Variants in GLP2R observed in about 807,000 individuals in gnomAD.
The protein encoded by GLP2R is glucagon-like peptide 2 receptor.
GLP2R carries 59 observed loss-of-function variants against 68.2 expected under a neutral mutation model. The observed-to-expected ratio is 0.87, with a 90% CI of 0.70 to 1.07. The LOEUF (loss-of-function observed/expected upper bound fraction) is 1.07, where lower values mean the gene tolerates loss of function less well. GLP2R is among the 50% of genes least tolerant of loss of function. The pLI is 0.00. For synonymous variants in GLP2R, 270 were observed against 265.4 expected (o/e 1.02, Z -0.17); for missense variants, 548 against 677.4 (o/e 0.81, Z 2.12).
chr17:9,888,476 TA>T (rs1242895511), intron 12 of GLP2R, among the ~76,000 whole-genome samples: 2 of 152,174 alleles, frequency 1.3e-5, no homozygotes, highest in African/African-American at 4.8e-5. Context: ...AAATTATTTT[TA>T]TTTTTTTGAG....
intron 1 of GLP2R, among the ~76,000 whole-genome samples, chr17:9,829,761 T>G (rs1167357825): frequency 1.3e-5 from 2 of 152,168 alleles, no homozygotes; most frequent in Non-Finnish European, 2.9e-5. Flanking sequence ...AATCTGGAAG[T>G]AGATGGTAAT....
At chr17:9,832,081 C>T (rs909778280) in intron 1 of GLP2R, among the ~76,000 whole-genome samples, 1 of 152,130 alleles carries the variant, frequency 6.6e-6, no homozygotes, top group Non-Finnish European at 1.5e-5. Flanking sequence ...TTAATTCCTC[C>T]TTAACACAAG....
At chr17:9,866,967 G>A (rs576440168) in intron 9 of GLP2R, 4 of 152,174 alleles carry the variant, frequency 2.6e-5, no homozygotes, top group African/African-American at 9.6e-5. Context: ...AATAAAATAA[G>A]ATAAAATAAA....
At chr17:9,841,192 T>C (rs1189465721) in intron 3 of GLP2R, among the ~76,000 whole-genome samples, 2 of 151,426 alleles carry the variant, frequency 1.3e-5, no homozygotes, top group Admixed American at 6.6e-5. Context: ...AATTTTTTTT[T>C]TTTTTTTGTA....
intron 11 of GLP2R, 104 bp downstream of exon 11, chr17:9,880,620 G>A: frequency 1.3e-6 from 1 of 753,054 alleles, no homozygotes; most frequent in Non-Finnish European, 2.1e-6. Flanking sequence ...AAATAGAATT[G>A]TAGCATCAGC....
rs1555573031 is a variant in GLP2R, at chr17:9,870,855, T to G, written c.1145+20T>G. 6.3e-6 allele frequency: 7 copies of G among 1,110,546 alleles called. No individual in the cohort carries two copies. The allele number at this position is 1,110,546 out of a possible 1,614,324, so 68.8% of individuals were successfully genotyped here. On this transcript the variant is annotated intron_variant, in intron 10 of 12. Transcript: ENST00000262441. ...ATACAGGTGAGTGGCTTAAGGTTGG[T>G]CCCCAGCAGTCCAAGGTTATTGTAA...
At chr17:9,865,495 G>T (rs1299494878) in intron 9 of GLP2R, among the ~76,000 whole-genome samples, 1 of 152,096 alleles carries the variant, frequency 6.6e-6, no homozygotes, top group Non-Finnish European at 1.5e-5. Context: ...CCTCAGATCT[G>T]GTTCTAAACT....
At chr17:9,845,735 A>ATGTG (rs1233491749) in intron 4 of GLP2R, among the ~76,000 whole-genome samples, 4 of 125,892 alleles carry the variant, frequency 3.2e-5, no homozygotes, top group Non-Finnish European at 6.7e-5. Context: ...GGTTGGATTT[A>ATGTG]TGTGTGTGTG....
rs368317833 is a variant in GLP2R, at chr17:9,842,479, C to G, written c.383-16C>G. On this transcript the variant is annotated splice_polypyrimidine_tract_variant and intron_variant, in intron 3 of 12. Transcript: ENST00000262441. ...GTGTGTTCTGACCTTTCCTCCAGAG[C>G]TTTGTTTACTTTCAGAGAGCTCAGG... 1.2e-5 allele frequency: 20 copies of G among 1,613,868 alleles called. No individual in the cohort carries two copies. In the African/African-American group the frequency reaches 2.5e-4, roughly 20 times the overall value.
In GLP2R at chr17:9,827,691, G is replaced by A. The variant is rs75187506; in HGVS notation, c.189+1439G>A. On this transcript the variant is annotated intron_variant, in intron 1 of 12. Transcript: ENST00000262441. ...TTAAGGAATGGCTCAGACTGGGCAC[G>A]GTAGCTCACGCCTGTAACCCCAACA... Among the ~76,000 whole-genome samples, 81 of 152,160 alleles carry A rather than the reference G, an allele frequency of 5.3e-4. No individual in the cohort carries two copies. In the East Asian group the frequency reaches 0.014, roughly 25 times the overall value.
chr17:9,853,585 G>T (rs2066911221), intron 4 of GLP2R, among the ~76,000 whole-genome samples: 1 of 152,168 alleles, frequency 6.6e-6, no homozygotes, highest in Non-Finnish European at 1.5e-5. Flanking sequence ...AGAGATTTTT[G>T]ATGAATGCCT....
At chr17:9,835,244 G>C (rs1305521789) in intron 2 of GLP2R, among the ~76,000 whole-genome samples, 1 of 152,006 alleles carries the variant, frequency 6.6e-6, no homozygotes. Flanking sequence ...GGCCAGGATG[G>C]TCTCGATCCC....
chr17:9,884,398 A>G (rs1226615565), intron 11 of GLP2R, among the ~76,000 whole-genome samples: 1 of 152,188 alleles, frequency 6.6e-6, no homozygotes, highest in African/African-American at 2.4e-5. Flanking sequence ...TTCACATGCT[A>G]ACATGTATCA....
At chr17:9,862,841 T>A (rs992045721) in intron 9 of GLP2R, among the ~76,000 whole-genome samples, 2 of 152,206 alleles carry the variant, frequency 1.3e-5, no homozygotes, top group Non-Finnish European at 2.9e-5. Context: ...GCCCACCCTG[T>A]TCCCCAAGGG....
At chr17:9,885,351 G>A (rs1474048269) in intron 11 of GLP2R, among the ~76,000 whole-genome samples, 2 of 151,618 alleles carry the variant, frequency 1.3e-5, no homozygotes, top group East Asian at 1.9e-4. Context: ...CACCACACAC[G>A]GCCTCATTTT....
intron 6 of GLP2R, among the ~76,000 whole-genome samples, chr17:9,858,472 G>T (rs1045564608): frequency 6.6e-6 from 1 of 152,200 alleles, no homozygotes; most frequent in East Asian, 1.9e-4. Flanking sequence ...TCAGGTTGGG[G>T]ATCAAATTTG....
chr17:9,828,764 T>C (rs1057337849), intron 1 of GLP2R, among the ~76,000 whole-genome samples: 1 of 152,174 alleles, frequency 6.6e-6, no homozygotes, highest in African/African-American at 2.4e-5. Context: ...CAGCGGAATC[T>C]GCAGAGCCTC....
chr17:9,848,712 G>A (rs2066863615), intron 4 of GLP2R, among the ~76,000 whole-genome samples: 1 of 152,104 alleles, frequency 6.6e-6, no homozygotes, highest in Non-Finnish European at 1.5e-5. Context: ...ATGTTTACCT[G>A]TGTTTCTAAT....
chr17:9,833,886 A>G lies in GLP2R; in HGVS notation c.269A>G (p.Glu90Gly), dbSNP rs529431276. The G allele has an allele frequency of 1.2e-6, 2 of 1,605,922 alleles. No individual in the cohort carries two copies. Among genetic ancestry groups the G allele is most frequent in the South Asian group, 2.2e-5 (2 of 90,896 alleles). Residue 90 changes from glutamate (E) to glycine (G), a missense_variant, in exon 2 of 13, where the codon GAA becomes GGA. Physicochemically the swap from Glu to Gly is moderately conservative, Grantham distance 98. Coordinates refer to ENST00000262441, the MANE Select transcript of GLP2R (RefSeq NM_004246.3). ...KQACLRDLLK[E>G]PSGIFCNGTF... Reference sequence around the variant, plus strand: ...GCATGTCTGAGAGACTTACTCAAGGAACCTTCTGGTAAGCATGTGTATTAG... The same window carrying G: ...GCATGTCTGAGAGACTTACTCAAGGGACCTTCTGGTAAGCATGTGTATTAG...
Sources: gnomAD v4.1 joint callset for allele counts (sites outside exome capture counted in the v4.1 genomes callset) on GRCh38, gnomAD v4.1.1 for gene constraint, MANE v1.5 for transcripts, NCBI Gene and HGNC (gene_info 2026-07-23, HGNC 2026-07-21) for gene names.